The following EPS8 variants were observed in gnomAD, a reference collection of about 807,000 sequenced individuals.
EPS8 encodes the protein epidermal growth factor receptor kinase substrate 8.
A neutral mutation model predicts 103.8 loss-of-function variants in EPS8; 42 were observed. The ratio of observed to expected loss-of-function variants is 0.40; its 90% CI spans 0.32 to 0.52. EPS8 has a LOEUF of 0.52. Ranked by LOEUF, EPS8 falls within the 20% of genes least tolerant of loss-of-function variation. The probability of loss-of-function intolerance (pLI) is 0.40; values close to 1 mark genes in which losing one functional copy is unlikely to be tolerated. For missense variants in EPS8, 969 were observed against 1,005.1 expected, an observed-to-expected ratio of 0.96 and a Z score of 0.49; for synonymous variants, 344 against 344.6, an observed-to-expected ratio of 1.00 and a Z score of 0.02.
In EPS8 at chr12:15,778,044, T is replaced by C. The variant is rs752871143; in HGVS notation, c.-22+11117A>G. 6.6e-6 allele frequency among the ~76,000 whole-genome samples: 1 copy of C among 152,160 alleles called. No homozygotes were observed. Among genetic ancestry groups the C allele is most frequent in the Non-Finnish European group, 1.5e-5 (1 of 68,016 alleles). Reference sequence around the variant, plus strand: ...AATTTATTCTGTAATTCTGCAAACATAGCAAACATACAAATATACAAAAAA... The same window carrying C: ...AATTTATTCTGTAATTCTGCAAACACAGCAAACATACAAATATACAAAAAA... On this transcript the variant is annotated intron_variant, in intron 1 of 20. Coordinates refer to ENST00000281172, the MANE Select transcript of EPS8 (RefSeq NM_004447.6). The surrounding 1 kb of genome is among the most constrained non-coding windows in gnomAD (Gnocchi z 4.5).
At chr12:15,672,423 C>T (rs1175226908) in intron 3 of EPS8, 3 of 398,122 alleles carry the variant, frequency 7.5e-6, no homozygotes, top group Non-Finnish European at 8.9e-6. Context: ...TTAATAAAAA[C>T]AGATGCACTA....
At chr12:15,756,287 G>A (rs1946985864) in intron 1 of EPS8, among the ~76,000 whole-genome samples, 1 of 152,100 alleles carries the variant, frequency 6.6e-6, no homozygotes, top group African/African-American at 2.4e-5. Flanking sequence ...AGATAACAAT[G>A]AAATAAATGG....
intron 3 of EPS8, among the ~76,000 whole-genome samples, chr12:15,676,205 A>C (rs1439202388): frequency 7.0e-6 from 1 of 142,312 alleles, no homozygotes; most frequent in African/African-American, 2.6e-5. Context: ...CCCAGGAGTG[A>C]GCCGAGATTG....
rs555316308 is a variant in EPS8, at chr12:15,752,931, C to T, written c.-22+36230G>A. On this transcript the variant is annotated intron_variant, in intron 1 of 20. Transcript: ENST00000281172. This position sits in a 1 kb window ranked among gnomAD's most constrained non-coding sequence, Gnocchi z 4.4. Reference sequence around the variant, plus strand: ...CTAACAACATCAACAATATTAGTTGCATCATTTCAGTTACATTATGGTAAA... The same window carrying T: ...CTAACAACATCAACAATATTAGTTGTATCATTTCAGTTACATTATGGTAAA... Among the ~76,000 whole-genome samples the T allele has an allele frequency of 1.4e-4, 22 of 152,084 alleles. No individual in the cohort carries two copies. Among genetic ancestry groups the T allele is most frequent in the Admixed American group, 5.2e-4 (8 of 15,282 alleles).
At chr12:15,746,552 T>C (rs1312278545) in intron 1 of EPS8, among the ~76,000 whole-genome samples, 1 of 152,122 alleles carries the variant, frequency 6.6e-6, no homozygotes, top group East Asian at 1.9e-4. Context: ...TAAGAATTTA[T>C]TCAAAAAGCA....
chr12:15,694,599 A>G (rs1189988417), intron 1 of EPS8, among the ~76,000 whole-genome samples: 1 of 152,174 alleles, frequency 6.6e-6, no homozygotes, highest in Admixed American at 6.5e-5. Context: ...AGAGAAGCCC[A>G]TTTAAATTGA....
intron 1 of EPS8, among the ~76,000 whole-genome samples, chr12:15,708,789 G>A (rs1256263722): frequency 6.6e-6 from 1 of 152,190 alleles, no homozygotes; most frequent in Non-Finnish European, 1.5e-5. Context: ...TGAACTCACA[G>A]AAAATGTTAT....
chr12:15,733,765 T>C lies in EPS8; in HGVS notation c.-21-50793A>G, dbSNP rs1946741309. ...TATATCAAGGCATCCAGATGAATGATTAAAATTCTAGAGAAGGGACTAGGC... is the reference window on the plus strand; with the variant it reads ...TATATCAAGGCATCCAGATGAATGACTAAAATTCTAGAGAAGGGACTAGGC... On this transcript the variant is annotated intron_variant, in intron 1 of 20. Coordinates refer to ENST00000281172, the MANE Select transcript of EPS8 (RefSeq NM_004447.6). This position sits in a 1 kb window ranked among gnomAD's most constrained non-coding sequence, Gnocchi z 4.8. Among the ~76,000 whole-genome samples the C allele has an allele frequency of 6.6e-6, 1 of 152,210 alleles. No individual in the cohort carries two copies.
At chr12:15,631,135 G>C (rs978596331) in intron 18 of EPS8, among the ~76,000 whole-genome samples, 1 of 152,182 alleles carries the variant, frequency 6.6e-6, no homozygotes, top group African/African-American at 2.4e-5. Context: ...AATCATTGAA[G>C]GTCAGGAAGC....
chr12:15,726,132 G>A (rs1174187390), intron 1 of EPS8, among the ~76,000 whole-genome samples: 2 of 152,102 alleles, frequency 1.3e-5, no homozygotes, highest in African/African-American at 4.8e-5. Flanking sequence ...AGCCTTTGTG[G>A]GGAGCTGATA....
Position 15,719,982 on chromosome 12 carries a change from G to C in EPS8, c.-21-37010C>G, listed in dbSNP as rs1173840417. On this transcript the variant is annotated intron_variant, in intron 1 of 20. Coordinates refer to ENST00000281172, the MANE Select transcript of EPS8 (RefSeq NM_004447.6). ...ATTATTTTCCTGGCTATACAATTTAGTGTTATGTGACAAACAAATCATCAG... is the reference window on the plus strand; with the variant it reads ...ATTATTTTCCTGGCTATACAATTTACTGTTATGTGACAAACAAATCATCAG... 2.0e-5 allele frequency among the ~76,000 whole-genome samples: 3 copies of C among 152,152 alleles called. No homozygotes were observed. In the South Asian group the frequency reaches 6.2e-4, roughly 32 times the overall value.
chr12:15,631,520 G>C lies in EPS8; in HGVS notation c.1966C>G (p.Arg656Gly). The C allele has an allele frequency of 6.2e-7, 1 of 1,614,006 alleles. No homozygotes were observed. The change falls in exon 18 of 21, where the codon CGT becomes GGT. Residue 656 changes from arginine (R) to glycine (G), a missense_variant. Physicochemically the swap from Arg to Gly is moderately radical, Grantham distance 125. Transcript: ENST00000281172. Reference sequence around the variant, plus strand: ...CTGTCACTGGAGCTGCTGTTTTGACGTGTTATATTTGCTGGGACCTTTGAC... The same window carrying C: ...CTGTCACTGGAGCTGCTGTTTTGACCTGTTATATTTGCTGGGACCTTTGAC... ...PVSKVPANITRQNSSSSDSGG... is the reference protein window; with the variant it reads ...PVSKVPANITGQNSSSSDSGG...
At chr12:15,647,465 T>C (rs573438390) in intron 14 of EPS8, among the ~76,000 whole-genome samples, 1 of 152,314 alleles carries the variant, frequency 6.6e-6, no homozygotes, top group African/African-American at 2.4e-5. Flanking sequence ...GTGCAAAGGG[T>C]AATCTTGCTC....
chr12:15,694,311 A>T (rs1389251896), intron 1 of EPS8, among the ~76,000 whole-genome samples: 1 of 152,214 alleles, frequency 6.6e-6, no homozygotes, highest in South Asian at 2.1e-4. Context: ...TACATTTGAT[A>T]AAGTCAGCTG....
At chr12:15,664,323 A>C (rs1277242929) in intron 8 of EPS8, among the ~76,000 whole-genome samples, 1 of 151,930 alleles carries the variant, frequency 6.6e-6, no homozygotes, top group Non-Finnish European at 1.5e-5. Flanking sequence ...TCTTTTTTTC[A>C]TATCTTTGGT....
chr12:15,752,971 G>C lies in EPS8; in HGVS notation c.-22+36190C>G, dbSNP rs1946949126. 6.6e-6 allele frequency among the ~76,000 whole-genome samples: 1 copy of C among 151,624 alleles called. No individual in the cohort carries two copies. The highest frequency in any genetic ancestry group is 6.6e-5 in the Admixed American group (1 of 15,156). ...ATTATGGTAAAAGGGGCAATTGTGG[G>C]ATAACCATCATTTATTTATAGCTCT... On this transcript the variant is annotated intron_variant, in intron 1 of 20. Coordinates refer to ENST00000281172, the MANE Select transcript of EPS8 (RefSeq NM_004447.6). This position sits in a 1 kb window ranked among gnomAD's most constrained non-coding sequence, Gnocchi z 4.4.
At chr12:15,724,544 C>A (rs569328368) in intron 1 of EPS8, among the ~76,000 whole-genome samples, 2 of 152,226 alleles carry the variant, frequency 1.3e-5, no homozygotes, top group East Asian at 1.9e-4. Context: ...TATCACTTTA[C>A]TTTTAAAACT....
rs916086883 is a variant in EPS8, at chr12:15,702,546, T to C, written c.-21-19574A>G. 6.6e-6 allele frequency among the ~76,000 whole-genome samples: 1 copy of C among 152,094 alleles called. No individual in the cohort carries two copies. Among genetic ancestry groups the C allele is most frequent in the African/African-American group, 2.4e-5 (1 of 41,418 alleles). ...TGAGATCAGTGTCTGGAAATCTTCA[T>C]AGAGCAGCAGCAAACTACTGAAGAA... On this transcript the variant is annotated intron_variant, in intron 1 of 20. Coordinates refer to ENST00000281172, the MANE Select transcript of EPS8 (RefSeq NM_004447.6). This position sits in a 1 kb window ranked among gnomAD's most constrained non-coding sequence, Gnocchi z 5.1.
At position 15,690,603 on chromosome 12, in the gene EPS8, C is replaced by A. The variant is rs1050159480; in HGVS notation, c.-21-7631G>T. On this transcript the variant is annotated intron_variant, in intron 1 of 20. Transcript: ENST00000281172. The surrounding 1 kb of genome is among the most constrained non-coding windows in gnomAD (Gnocchi z 4.7). ...ATTTGTCTGCTCTATTTTAGTAATA[C>A]ATGGTTTTACAGATCCAATGGCCAG... is the stretch of plus-strand genomic sequence containing the variant. Among the ~76,000 whole-genome samples, 2 of 152,130 alleles carry A rather than the reference C, an allele frequency of 1.3e-5. No individual in the cohort carries two copies. The highest frequency in any genetic ancestry group is 4.8e-5 in the African/African-American group (2 of 41,414).
Sources: gnomAD v4.1 joint callset for allele counts (sites outside exome capture counted in the v4.1 genomes callset) on GRCh38, gnomAD v4.1.1 for gene constraint, Gnocchi (gnomAD v3.1) non-coding constraint, MANE v1.5 for transcripts, NCBI Gene and HGNC (gene_info 2026-07-23, HGNC 2026-07-21) for gene names.